ATXN10: variants seen among roughly 807,000 people sequenced by gnomAD.
ATXN10 encodes the protein ataxin 10.
In ATXN10, 28 loss-of-function variants were observed where a neutral mutation model predicts 52.9. The observed-to-expected ratio is 0.53, with a 90% CI of 0.39 to 0.73. The LOEUF is 0.73. Among genes scored for constraint, ATXN10 ranks in the 30% least tolerant of loss-of-function variants. The pLI, the probability that ATXN10 is intolerant of heterozygous loss-of-function variation, is 0.00. For missense variants in ATXN10, 565 were observed against 577.0 expected, an observed-to-expected ratio of 0.98 and a Z score of 0.21; for synonymous variants, 226 against 221.5, an observed-to-expected ratio of 1.02 and a Z score of -0.18.
Position 45,823,344 on chromosome 22 carries a change from G to T in ATXN10, c.1237+16322G>T. 2.9e-6 allele frequency: 1 copy of T among 346,154 alleles called. No individual in the cohort carries two copies. Among genetic ancestry groups the T allele is most frequent in the South Asian group, 2.3e-5 (1 of 43,206 alleles). 21.4% of individuals were successfully genotyped at this position (346,154 alleles called of 1,614,324 possible). The stretch of plus-strand genomic sequence containing the variant: ...CTGAGGTCTGAGGTCATAAAAGTAT[G>T]CTAAAGGCTTTACAGTTTTGCCTTC... On this transcript the variant is annotated intron_variant, in intron 10 of 11. Transcript: ENST00000252934. The surrounding 1 kb of genome is among the most constrained non-coding windows in gnomAD (Gnocchi z 4.9).
At chr22:45,675,965 C>A (rs928193184) in intron 1 of ATXN10, 8 of 152,040 alleles carry the variant, frequency 5.3e-5, no homozygotes, top group African/African-American at 1.4e-4. Flanking sequence ...TTGTTTTATA[C>A]TTTTTGTTTA....
intron 2 of ATXN10, 61 bp downstream of exon 2, chr22:45,689,964 T>C: frequency 6.4e-7 from 1 of 1,568,346 alleles, no homozygotes. Flanking sequence ...GTTCTGTCAT[T>C]TGGTTTATCT....
chr22:45,707,559 A>G (rs1924088989), intron 5 of ATXN10, among the ~76,000 whole-genome samples: 1 of 150,952 alleles, frequency 6.6e-6, no homozygotes, highest in African/African-American at 2.4e-5. Context: ...TCTGTATTTT[A>G]ATCATCTGCA....
chr22:45,834,757 T>A (rs1929109737), intron 10 of ATXN10, among the ~76,000 whole-genome samples: 1 of 152,148 alleles, frequency 6.6e-6, no homozygotes, highest in Admixed American at 6.5e-5. Context: ...TGAGCACACA[T>A]TCTCTGGAGT....
chr22:45,814,868 G>A (rs370612265), intron 10 of ATXN10, among the ~76,000 whole-genome samples: 1 of 152,230 alleles, frequency 6.6e-6, no homozygotes. Flanking sequence ...ACATGTGAGG[G>A]ATCTAGGTTG....
chr22:45,680,754 G>T (rs1050204377), intron 1 of ATXN10, among the ~76,000 whole-genome samples: 9 of 151,860 alleles, frequency 5.9e-5, no homozygotes, highest in African/African-American at 2.2e-4. Context: ...GTGAGCCACT[G>T]TTCCTGGAAC....
chr22:45,676,412 C>A (rs973299896), intron 1 of ATXN10: 1 of 152,048 alleles, frequency 6.6e-6, no homozygotes, highest in African/African-American at 2.4e-5. Context: ...CTACATGTAG[C>A]TACTTAATTA....
chr22:45,825,519 A>T lies in ATXN10; in HGVS notation c.1238-17472A>T, dbSNP rs1354940173. Reference sequence around the variant, plus strand: ...CAGAGACAGCCTGCAACAATCCAGAAATAATAATAATAATGAACAGTAACA... The same window carrying T: ...CAGAGACAGCCTGCAACAATCCAGATATAATAATAATAATGAACAGTAACA... On this transcript the variant is annotated intron_variant, in intron 10 of 11. Coordinates refer to ENST00000252934, the MANE Select transcript of ATXN10 (RefSeq NM_013236.4). This position sits in a 1 kb window ranked among gnomAD's most constrained non-coding sequence, Gnocchi z 4.5. 2.6e-5 allele frequency among the ~76,000 whole-genome samples: 4 copies of T among 152,094 alleles called. No homozygotes were observed.
chr22:45,728,879 C>T lies in ATXN10; in HGVS notation c.729-546C>T, dbSNP rs1306571387. ...GACTACCAAATGAGTGGTTAAAGCA[C>T]CTGGCTCAGGGCACAGATTGAATCC... On this transcript the variant is annotated intron_variant, in intron 6 of 11. Coordinates refer to ENST00000252934, the MANE Select transcript of ATXN10 (RefSeq NM_013236.4). The surrounding 1 kb of genome is among the most constrained non-coding windows in gnomAD (Gnocchi z 4.3). Among the ~76,000 whole-genome samples, 1 of 152,086 alleles carries T rather than the reference C, an allele frequency of 6.6e-6. No homozygotes were observed. The highest frequency in any genetic ancestry group is 1.5e-5 in the Non-Finnish European group (1 of 68,018).
Position 45,727,980 on chromosome 22 carries a change from G to GT in ATXN10, c.729-1441dup, listed in dbSNP as rs948291646. ...ACTTTGATTCTGTAAGATTCCTTATGTTTTAGGTGAGTCTCTTGAAGACAG... is the reference window on the plus strand; with the variant it reads ...ACTTTGATTCTGTAAGATTCCTTATGTTTTTAGGTGAGTCTCTTGAAGACAG... On this transcript the variant is annotated intron_variant, in intron 6 of 11. Coordinates refer to ENST00000252934, the MANE Select transcript of ATXN10 (RefSeq NM_013236.4). This position sits in a 1 kb window ranked among gnomAD's most constrained non-coding sequence, Gnocchi z 4.6. Among the ~76,000 whole-genome samples the GT allele has an allele frequency of 6.6e-6, 1 of 150,620 alleles. No individual in the cohort carries two copies.
chr22:45,813,422 T>C (rs1432535389), intron 10 of ATXN10, among the ~76,000 whole-genome samples: 3 of 147,336 alleles, frequency 2.0e-5, no homozygotes, highest in Non-Finnish European at 4.4e-5. Flanking sequence ...TTGGGTTTTT[T>C]TGTTTTTTTC....
chr22:45,746,598 C>T (rs1270347441), intron 9 of ATXN10, among the ~76,000 whole-genome samples: 1 of 152,066 alleles, frequency 6.6e-6, no homozygotes, highest in African/African-American at 2.4e-5. Context: ...TGGCATGGCC[C>T]TTGGTGCTCA....
At chr22:45,799,090 T>TG (rs1601653892) in intron 9 of ATXN10, among the ~76,000 whole-genome samples, 1 of 151,420 alleles carries the variant, frequency 6.6e-6, no homozygotes, top group African/African-American at 2.4e-5. Context: ...GTTTTTTGTT[T>TG]TTCTTTTGAG....
chr22:45,749,925 C>T (rs780847389), intron 9 of ATXN10, among the ~76,000 whole-genome samples: 3 of 151,958 alleles, frequency 2.0e-5, no homozygotes, highest in East Asian at 3.9e-4. Context: ...TGCGTATTTC[C>T]GAGAAGCATA....
intron 6 of ATXN10, among the ~76,000 whole-genome samples, chr22:45,724,531 C>T (rs1316879752): frequency 6.6e-6 from 1 of 151,854 alleles, no homozygotes; most frequent in Admixed American, 6.6e-5. Flanking sequence ...TTTTTTCTCA[C>T]TGATTTGTTT....
chr22:45,745,810 A>G (rs1239997356), intron 9 of ATXN10, among the ~76,000 whole-genome samples: 1 of 152,220 alleles, frequency 6.6e-6, no homozygotes, highest in African/African-American at 2.4e-5. Flanking sequence ...TGTTTACTAC[A>G]TATCAAGTGC....
chr22:45,844,013 T>C lies in ATXN10; in HGVS notation c.*342T>C. The C allele has an allele frequency of 3.2e-6, 1 of 317,352 alleles. No homozygotes were observed. The highest frequency in any genetic ancestry group is 5.8e-6 in the Non-Finnish European group (1 of 171,172). The allele number at this position is 317,352 out of a possible 1,614,324, so 19.7% of individuals were successfully genotyped here. A position where few individuals can be genotyped will look rare whatever the true frequency, so the allele number is the denominator to read the frequency against. ...AAACTTGGATGTTGGCTTGACTGTGTTTGTCCCTTCAGATGGCAAGTCAGC... is the reference window on the plus strand; with the variant it reads ...AAACTTGGATGTTGGCTTGACTGTGCTTGTCCCTTCAGATGGCAAGTCAGC... On this transcript the variant is annotated 3_prime_UTR_variant, in exon 12 of 12. Transcript: ENST00000252934.
In ATXN10 at chr22:45,789,627, CAAG is replaced by C. The variant is rs751363739; in HGVS notation, c.1174-17324_1174-17322del. ...TATGTTAATACAGCTCTCTCCACGA[CAAG>C]AAGAAGAGAGGGAGAGCCTTCTAAC... On this transcript the variant is annotated intron_variant, in intron 9 of 11. Transcript: ENST00000252934. This position sits in a 1 kb window ranked among gnomAD's most constrained non-coding sequence, Gnocchi z 4.0. Among the ~76,000 whole-genome samples, 4 of 152,202 alleles carry C rather than the reference CAAG, an allele frequency of 2.6e-5. No individual in the cohort carries two copies. Among genetic ancestry groups the C allele is most frequent in the African/African-American group, 4.8e-5 (2 of 41,454 alleles).
intron 1 of ATXN10, among the ~76,000 whole-genome samples, chr22:45,685,193 T>G (rs945188202): frequency 2.6e-5 from 4 of 151,918 alleles, no homozygotes; most frequent in African/African-American, 9.7e-5. Context: ...TTACATATAA[T>G]CACAGGTAGT....
Sources: allele counts gnomAD v4.1 joint callset (sites outside exome capture counted in the v4.1 genomes callset), GRCh38; gene constraint gnomAD v4.1.1; non-coding constraint Gnocchi (gnomAD v3.1); transcripts MANE v1.5; gene names NCBI Gene and HGNC (gene_info 2026-07-23, HGNC 2026-07-21).